Variants in SLC38A6 observed in about 807,000 individuals in gnomAD.
SLC38A6 encodes the protein solute carrier family 38 member 6.
Under a neutral mutation model 65.0 loss-of-function variants are expected in SLC38A6, and 73 were observed. The observed-to-expected ratio is 1.12, with a 90% CI of 0.93 to 1.37. The LOEUF (loss-of-function observed/expected upper bound fraction) is 1.37, where lower values mean the gene tolerates loss of function less well. Ranked by LOEUF, SLC38A6 falls within the 40% of genes most tolerant of loss-of-function variation. The pLI is 0.00. For synonymous variants in SLC38A6, 183 were observed against 178.8 expected (o/e 1.02, Z -0.19); for missense variants, 561 against 531.1 (o/e 1.06, Z -0.55).
At chr14:60,995,581 G>C (rs925932991) in intron 3 of SLC38A6, among the ~76,000 whole-genome samples, 1 of 152,038 alleles carries the variant, frequency 6.6e-6, no homozygotes, top group Non-Finnish European at 1.5e-5. Context: ...CAAGAGAGTA[G>C]ATTTCAGGTG....
intron 12 of SLC38A6, among the ~76,000 whole-genome samples, chr14:61,048,932 C>T (rs1371032982): frequency 6.6e-6 from 1 of 152,174 alleles, no homozygotes. Context: ...TCACAAGTAT[C>T]TCACAGATTT....
intron 9 of SLC38A6, 57 bp from the exon 10 acceptor site, chr14:61,043,393 T>C (rs1171500248): frequency 7.5e-7 from 1 of 1,333,668 alleles, no homozygotes; most frequent in Non-Finnish European, 1.0e-6. Flanking sequence ...TTTATTGATA[T>C]ATTCTGAAAT....
chr14:61,027,807 G>C (rs968861706), intron 5 of SLC38A6, among the ~76,000 whole-genome samples: 4 of 151,972 alleles, frequency 2.6e-5, no homozygotes, highest in African/African-American at 9.7e-5. Context: ...ATAGTGAATA[G>C]AATGGTGGTG....
intron 10 of SLC38A6, 138 bp downstream of exon 10, chr14:61,043,641 A>G (rs2041948448): frequency 2.1e-6 from 1 of 467,782 alleles, no homozygotes; most frequent in Admixed American, 4.0e-5. Flanking sequence ...AGGATTGCCT[A>G]CCAGAAGACT....
chr14:60,995,200 A>T (rs978588760), intron 3 of SLC38A6, among the ~76,000 whole-genome samples: 7 of 152,198 alleles, frequency 4.6e-5, no homozygotes, highest in Non-Finnish European at 8.8e-5. Flanking sequence ...CAGCATTATT[A>T]ACGATAGCCA....
chr14:61,034,342 T>C (rs1594674968), intron 6 of SLC38A6: 1 of 152,154 alleles, frequency 6.6e-6, no homozygotes, highest in African/African-American at 2.4e-5. Context: ...AGAGTGAAAT[T>C]GGCTTATAAT....
intron 6 of SLC38A6, among the ~76,000 whole-genome samples, chr14:61,032,963 T>A (rs141417713): frequency 1.3e-5 from 2 of 151,962 alleles, no homozygotes; most frequent in Admixed American, 1.3e-4. Context: ...TATAAAGATA[T>A]CAGAATGAAA....
chr14:61,043,648 G>C, intron 10 of SLC38A6, 145 bp downstream of exon 10: 3 of 323,190 alleles, frequency 9.3e-6, no homozygotes, highest in East Asian at 5.9e-5. Flanking sequence ...CCTACCAGAA[G>C]ACTACTATTA....
At chr14:61,081,184 TAGCCAGACCTGGA>T (rs1312980833) in intron 16 of SLC38A6, among the ~76,000 whole-genome samples, 27 of 152,216 alleles carry the variant, frequency 1.8e-4, no homozygotes, top group African/African-American at 6.5e-4. Context: ...GGAGAGGAAT[TAGCCAGACCTGGA>T]AGCAGGGGCC....
chr14:61,071,645 T>C (rs1242563532), intron 15 of SLC38A6, among the ~76,000 whole-genome samples: 1 of 151,312 alleles, frequency 6.6e-6, no homozygotes, highest in Non-Finnish European at 1.5e-5. Context: ...ATTGCTCTAC[T>C]GCACTGTAGC....
intron 12 of SLC38A6, chr14:61,048,010 CATACATACATACATACATAA>C (rs2042265450): frequency 1.2e-5 from 4 of 336,570 alleles, no homozygotes; most frequent in South Asian, 4.8e-5. Context: ...TACATACATA[CATACATACATACATACATAA>C]ATAGAATAAA....
Position 61,050,535 on chromosome 14 carries a change from A to C in SLC38A6, c.949A>C (p.Lys317Gln), listed in dbSNP as rs763383417. 6.4e-7 allele frequency: 1 copy of C among 1,551,994 alleles called. No homozygotes were observed. Among genetic ancestry groups the C allele is most frequent in the Admixed American group, 1.7e-5 (1 of 58,358 alleles). Residue 317 changes from lysine to glutamine, a missense_variant, in exon 13 of 16, where the codon AAA becomes CAA. Transcript: ENST00000267488. Reference protein sequence around the residue: ...FYDKVESELLKGYSKYLSHDV... With the variant: ...FYDKVESELLQGYSKYLSHDV... ...AGACAAAGTGGAGTCAGAATTACTA[A>C]AAGGTTATAGTAAATACTTATCACA...
intron 8 of SLC38A6, 79 bp from the exon 9 acceptor site, chr14:61,043,068 G>A (rs1319978240): frequency 4.6e-6 from 4 of 874,232 alleles, no homozygotes; most frequent in Non-Finnish European, 7.1e-6. Flanking sequence ...TAATTGAAAT[G>A]ATACTGACCT....
chr14:60,988,018 T>C (rs1360745225), intron 3 of SLC38A6, among the ~76,000 whole-genome samples: 1 of 152,210 alleles, frequency 6.6e-6, no homozygotes, highest in Non-Finnish European at 1.5e-5. Flanking sequence ...CTTCCACTGC[T>C]CTCTAACTCC....
chr14:61,079,522 C>G (rs189018526), intron 16 of SLC38A6, among the ~76,000 whole-genome samples: 6 of 152,248 alleles, frequency 3.9e-5, no homozygotes, highest in Admixed American at 3.9e-4. Context: ...AAACCTGTTT[C>G]CACACTCAAC....
At chr14:61,034,453 A>G (rs2041213894) in intron 6 of SLC38A6, among the ~76,000 whole-genome samples, 1 of 152,100 alleles carries the variant, frequency 6.6e-6, no homozygotes, top group African/African-American at 2.4e-5. Context: ...TCTACGAGAG[A>G]CAGCAAAACT....
intron 15 of SLC38A6, among the ~76,000 whole-genome samples, chr14:61,072,427 A>G (rs1198430725): frequency 6.6e-6 from 1 of 152,180 alleles, no homozygotes; most frequent in Non-Finnish European, 1.5e-5. Flanking sequence ...TTAAGTAATT[A>G]TTGACTATAG....
chr14:61,044,999 T>C (rs1296726903), intron 10 of SLC38A6, among the ~76,000 whole-genome samples: 2 of 152,134 alleles, frequency 1.3e-5, no homozygotes, highest in East Asian at 3.8e-4. Context: ...AGAGCATTTC[T>C]AAAATGTTAT....
chr14:61,046,855 A>T (rs750968993), intron 12 of SLC38A6, among the ~76,000 whole-genome samples: 31 of 152,198 alleles, frequency 2.0e-4, no homozygotes, highest in Non-Finnish European at 3.8e-4. Flanking sequence ...ATTATTTCCA[A>T]TGTGAGCATG....
Sources: gnomAD v4.1 joint callset for allele counts (sites outside exome capture counted in the v4.1 genomes callset) on GRCh38, gnomAD v4.1.1 for gene constraint, MANE v1.5 for transcripts, NCBI Gene and HGNC (gene_info 2026-07-23, HGNC 2026-07-21) for gene names.